Variants in ACOXL observed in about 807,000 individuals in gnomAD.
The protein encoded by ACOXL is acyl-CoA oxidase like, also known as acyl-coenzyme A oxidase-like protein.
ACOXL carries 70 observed loss-of-function variants against 71.9 expected under a neutral mutation model. The observed-to-expected ratio is 0.97, with a 90% CI of 0.80 to 1.19. ACOXL has a LOEUF of 1.19. Ranked by LOEUF, ACOXL falls within the 50% of genes most tolerant of loss-of-function variation. The probability of loss-of-function intolerance (pLI) is 0.00; values close to 1 mark genes in which losing one functional copy is unlikely to be tolerated. For missense variants in ACOXL, 703 were observed against 736.3 expected (o/e 0.95, Z 0.52); for synonymous variants, 253 against 281.6 (o/e 0.90, Z 1.02).
At chr2:110,920,275 G>A (rs1269463817) in intron 11 of ACOXL, among the ~76,000 whole-genome samples, 1 of 152,154 alleles carries the variant, frequency 6.6e-6, no homozygotes, top group Non-Finnish European at 1.5e-5. Flanking sequence ...CTGTCTTTCT[G>A]ATAGTTGTCT....
In ACOXL at chr2:110,963,741, C is replaced by T. The variant is rs549033679; in HGVS notation, c.1060-23367C>T. ...AAGATTCGGGAAATGTTTTCAAGATCAAGAGTTATCCAGAAGTCTGAAGTG... is the reference window on the plus strand; with the variant it reads ...AAGATTCGGGAAATGTTTTCAAGATTAAGAGTTATCCAGAAGTCTGAAGTG... On this transcript the variant is annotated intron_variant, in intron 12 of 17. Transcript: ENST00000439055. The T allele has an allele frequency of 1.9e-6, 3 of 1,612,728 alleles. No homozygotes were observed. In the African/African-American group the frequency reaches 4.0e-5, roughly 21 times the overall value.
chr2:110,890,835 A>G (rs139917248), intron 10 of ACOXL, among the ~76,000 whole-genome samples: 10 of 152,236 alleles, frequency 6.6e-5, no homozygotes, highest in African/African-American at 2.2e-4. Context: ...CATCTTGTTG[A>G]TATCTGAAAA....
At chr2:110,832,546 A>G (rs1689974381) in intron 9 of ACOXL, among the ~76,000 whole-genome samples, 1 of 145,178 alleles carries the variant, frequency 6.9e-6, no homozygotes, top group South Asian at 2.1e-4. Context: ...CTCCATCTCA[A>G]AAAAAAAAAA....
intron 10 of ACOXL, among the ~76,000 whole-genome samples, chr2:110,849,278 C>G (rs1286845879): frequency 6.6e-6 from 1 of 152,216 alleles, no homozygotes; most frequent in Non-Finnish European, 1.5e-5. Flanking sequence ...ACTGTGTCCA[C>G]AGGTCTGGGA....
chr2:110,998,451 C>A (rs2063488943), intron 14 of ACOXL, among the ~76,000 whole-genome samples: 1 of 152,204 alleles, frequency 6.6e-6, no homozygotes, highest in Non-Finnish European at 1.5e-5. Context: ...AGTGCGGCTC[C>A]TTTAAGTGAA....
At chr2:110,973,003 G>A (rs936960903) in intron 12 of ACOXL, among the ~76,000 whole-genome samples, 3 of 152,218 alleles carry the variant, frequency 2.0e-5, no homozygotes, top group Non-Finnish European at 4.4e-5. Flanking sequence ...ATCAGTCAAG[G>A]AATGGTGGGA....
chr2:110,976,944 T>A (rs941286563), intron 12 of ACOXL, among the ~76,000 whole-genome samples: 2 of 152,168 alleles, frequency 1.3e-5, no homozygotes, highest in African/African-American at 4.8e-5. Context: ...CTTCCCCTTC[T>A]AGGAGAACAA....
intron 10 of ACOXL, among the ~76,000 whole-genome samples, chr2:110,875,105 C>T (rs1309391348): frequency 6.6e-6 from 1 of 152,220 alleles, no homozygotes; most frequent in Admixed American, 6.5e-5. Context: ...CCCTTGTCTG[C>T]ACGCAGGCCA....
intron 11 of ACOXL, among the ~76,000 whole-genome samples, chr2:110,929,783 G>T (rs986642790): frequency 2.0e-5 from 3 of 152,226 alleles, no homozygotes; most frequent in Non-Finnish European, 4.4e-5. Flanking sequence ...AGGGGCCATG[G>T]TATAGCTGGA....
chr2:111,075,408 G>C (rs2067551011), intron 16 of ACOXL, among the ~76,000 whole-genome samples: 1 of 151,892 alleles, frequency 6.6e-6, no homozygotes, highest in Non-Finnish European at 1.5e-5. Context: ...TTATCCTTTT[G>C]ATTACTGTGA....
At chr2:110,779,530 A>T (rs182752842) in intron 2 of ACOXL, among the ~76,000 whole-genome samples, 10 of 152,376 alleles carry the variant, frequency 6.6e-5, no homozygotes, top group Non-Finnish European at 1.5e-4. Context: ...AACAATTCTA[A>T]AAAAGGACAA....
chr2:110,979,602 A>C (rs558115550), intron 12 of ACOXL, among the ~76,000 whole-genome samples: 1 of 152,248 alleles, frequency 6.6e-6, no homozygotes, highest in African/African-American at 2.4e-5. Flanking sequence ...TGGGCCAGTT[A>C]CAGATGGTGA....
chr2:110,839,032 A>AT (rs1690811117), intron 9 of ACOXL, among the ~76,000 whole-genome samples: 1 of 152,252 alleles, frequency 6.6e-6, no homozygotes, highest in African/African-American at 2.4e-5. Context: ...AGAAGCCAGG[A>AT]AAAGACTCAT....
chr2:110,939,032 C>A (rs936540529), intron 12 of ACOXL, among the ~76,000 whole-genome samples: 3 of 152,048 alleles, frequency 2.0e-5, no homozygotes, highest in African/African-American at 7.2e-5. Context: ...GAGATGGGGA[C>A]TTGAGAAGAG....
At chr2:110,861,066 G>A (rs951763381) in intron 10 of ACOXL, among the ~76,000 whole-genome samples, 4 of 152,134 alleles carry the variant, frequency 2.6e-5, no homozygotes, top group African/African-American at 7.2e-5. Flanking sequence ...CCCTGGAGGC[G>A]GAGGTTGCAG....
chr2:111,013,522 C>CAAAAAAAAAAAAAAAAAA (rs56905916), intron 14 of ACOXL, among the ~76,000 whole-genome samples: 4 of 95,524 alleles, frequency 4.2e-5, no homozygotes, highest in Non-Finnish European at 8.5e-5. Context: ...GACCCTGTCT[C>CAAAAAAAAAAAAAAAAAA]AAAAAAAAAA....
intron 13 of ACOXL, among the ~76,000 whole-genome samples, chr2:110,990,980 T>G (rs763229186): frequency 6.6e-6 from 1 of 152,194 alleles, no homozygotes; most frequent in Non-Finnish European, 1.5e-5. Flanking sequence ...TATGTCAAAG[T>G]TTTACATCTC....
intron 4 of ACOXL, 48 bp from the exon 5 acceptor site, chr2:110,794,028 G>C: frequency 6.3e-7 from 1 of 1,583,712 alleles, no homozygotes. Flanking sequence ...TGCATTTGGA[G>C]CAACTGCCTG....
chr2:110,865,063 C>T (rs1355263804), intron 10 of ACOXL, among the ~76,000 whole-genome samples: 3 of 152,274 alleles, frequency 2.0e-5, no homozygotes, highest in South Asian at 2.1e-4. Context: ...GGATGATTTC[C>T]GTTTTTCCAT....
Sources: allele counts gnomAD v4.1 joint callset (sites outside exome capture counted in the v4.1 genomes callset), GRCh38; gene constraint gnomAD v4.1.1; transcripts MANE v1.5; gene names NCBI Gene and HGNC (gene_info 2026-07-23, HGNC 2026-07-21).